PPP6R1: variants seen among roughly 807,000 people sequenced by gnomAD.
PPP6R1 encodes serine/threonine-protein phosphatase 6 regulatory subunit 1.
Under a neutral mutation model 104.6 loss-of-function variants are expected in PPP6R1, and 39 were observed. The ratio of observed to expected loss-of-function variants is 0.37; its 90% CI spans 0.29 to 0.49. PPP6R1 has a LOEUF of 0.49. Among genes scored for constraint, PPP6R1 ranks in the 20% least tolerant of loss-of-function variants. The pLI, the probability that PPP6R1 is intolerant of heterozygous loss-of-function variation, is 0.98. For missense variants in PPP6R1, 1,181 were observed against 1,155.8 expected, an observed-to-expected ratio of 1.02 and a Z score of -0.32; for synonymous variants, 549 against 479.0, an observed-to-expected ratio of 1.15 and a Z score of -1.91.
At chr19:55,254,820 C>T (rs2087580438) in intron 1 of PPP6R1, among the ~76,000 whole-genome samples, 1 of 152,218 alleles carries the variant, frequency 6.6e-6, no homozygotes, top group Non-Finnish European at 1.5e-5. Flanking sequence ...CTCTAATGTC[C>T]CCCAAGCCTC....
intron 17 of PPP6R1, among the ~76,000 whole-genome samples, chr19:55,235,396 G>A (rs1240167714): frequency 6.6e-6 from 1 of 152,070 alleles, no homozygotes; most frequent in East Asian, 1.9e-4. Context: ...ATGAAGGAAG[G>A]AGACAGGGAG....
At position 55,258,985 on chromosome 19, in the gene PPP6R1, A is replaced by G. The variant is rs577751535; in HGVS notation, c.-557T>C. On this transcript the variant is annotated 5_prime_UTR_variant, in exon 1 of 24. Transcript: ENST00000412770. ...TCTGCGGCCGGCCTCAGGGCCTCCG[A>G]CGCCCGGCTCCCTCCGCCACTATCC... 2 of 151,890 alleles carry G rather than the reference A, an allele frequency of 1.3e-5. No individual in the cohort carries two copies. The highest frequency in any genetic ancestry group is 4.8e-5 in the African/African-American group (2 of 41,354). 9.4% of individuals were successfully genotyped at this position (151,890 alleles called of 1,614,324 possible).
intron 5 of PPP6R1, among the ~76,000 whole-genome samples, chr19:55,243,986 C>T (rs182300313): frequency 2.6e-5 from 4 of 152,304 alleles, no homozygotes; most frequent in Non-Finnish European, 4.4e-5. Context: ...AGATGATAAA[C>T]GCTTTGAATA....
At chr19:55,238,310 A>G (rs1022708788) in intron 15 of PPP6R1, among the ~76,000 whole-genome samples, 1 of 152,238 alleles carries the variant, frequency 6.6e-6, no homozygotes, top group Non-Finnish European at 1.5e-5. Flanking sequence ...AACACAGGAT[A>G]TCACGTCTGC....
At chr19:55,233,440 AGGC>A (rs1411727200) in intron 17 of PPP6R1, among the ~76,000 whole-genome samples, 1 of 152,200 alleles carries the variant, frequency 6.6e-6, no homozygotes, top group Non-Finnish European at 1.5e-5. Context: ...ATTGTCCCGG[AGGC>A]TAGCCAGGGC....
intron 1 of PPP6R1, among the ~76,000 whole-genome samples, chr19:55,257,643 C>T (rs1450418824): frequency 2.0e-5 from 3 of 152,210 alleles, no homozygotes; most frequent in Non-Finnish European, 2.9e-5. Context: ...ACAGAAAAAG[C>T]CGTCCGTCCA....
At chr19:55,236,882 C>T (rs770150935) in intron 16 of PPP6R1, 31 bp downstream of exon 16, 16 of 1,612,290 alleles carry the variant, frequency 9.9e-6, no homozygotes, top group East Asian at 2.2e-5. Flanking sequence ...CCCCTCCACC[C>T]GCCACAACCA....
chr19:55,238,930 GAAA>G (rs906122437), intron 15 of PPP6R1: 1 of 163,014 alleles, frequency 6.1e-6, no homozygotes, highest in Non-Finnish European at 1.3e-5. Flanking sequence ...TTGGTAATTG[GAAA>G]AAAAAAGTTT....
intron 1 of PPP6R1, among the ~76,000 whole-genome samples, chr19:55,251,763 C>T (rs2087555299): frequency 6.6e-6 from 1 of 152,164 alleles, no homozygotes; most frequent in Non-Finnish European, 1.5e-5. Flanking sequence ...AAAACTCAGG[C>T]TCAGCAAAGG....
intron 1 of PPP6R1, 161 bp from the exon 2 acceptor site, chr19:55,247,270 C>T (rs777988433): frequency 7.5e-5 from 51 of 682,962 alleles, no homozygotes; most frequent in Non-Finnish European, 9.9e-5. Context: ...CGGGACTGCC[C>T]GCAGGCTCAC....
Position 55,231,869 on chromosome 19 carries a change from T to G in PPP6R1, c.2239A>C (p.Ser747Arg), listed in dbSNP as rs749364489. The G allele has an allele frequency of 1.3e-6, 2 of 1,501,380 alleles. No individual in the cohort carries two copies. Among genetic ancestry groups the G allele is most frequent in the East Asian group, 2.4e-5 (1 of 42,434 alleles). The allele number at this position is 1,501,380 out of a possible 1,614,324, so 93.0% of individuals were successfully genotyped here. A position where few individuals can be genotyped will look rare whatever the true frequency, so the allele number is the denominator to read the frequency against. The change falls in exon 19 of 24, where the codon AGT becomes CGT. Residue 747 changes from serine to arginine, a missense_variant. Coordinates refer to ENST00000412770, the MANE Select transcript of PPP6R1 (RefSeq NM_014931.4). The stretch of plus-strand genomic sequence containing the variant: ...TGAGTGGGGAGGCCCTGGGGCACAC[T>G]GAGGGGCCCCTGTGGGGCTGGAGGC... The part of the protein sequence containing the change: ...TGPPAPQGPL[S>R]VPQGLPTQSL...
chr19:55,231,888 T>G lies in PPP6R1; in HGVS notation c.2220A>C (p.Pro740=). ...GCACACTGAGGGGCCCCTGTGGGGC[T>G]GGAGGCCCAGTGTGCAGCTCTTCCT... The part of the protein sequence containing the change: ...SGEEELHTGP[P]APQGPLSVPQ... Residue 740 remains proline, a synonymous_variant, in exon 19 of 24, where the codon CCA becomes CCC. Transcript: ENST00000412770. 1 of 1,512,680 alleles carries G rather than the reference T, an allele frequency of 6.6e-7. No individual in the cohort carries two copies. The highest frequency in any genetic ancestry group is 8.9e-7 in the Non-Finnish European group (1 of 1,129,476). The allele number at this position is 1,512,680 out of a possible 1,614,324, so 93.7% of individuals were successfully genotyped here. A position where few individuals can be genotyped will look rare whatever the true frequency, so the allele number is the denominator to read the frequency against.
chr19:55,231,592 G>T lies in PPP6R1; in HGVS notation c.2377+6C>A, dbSNP rs568700125. On this transcript the variant is annotated splice_donor_region_variant and intron_variant, in intron 20 of 23. Coordinates refer to ENST00000412770, the MANE Select transcript of PPP6R1 (RefSeq NM_014931.4). ...CCGCGGGTGGGCAGGGCAAAGCGGG[G>T]CTCACCTGAGGGCTCCGTGACTTTG... 1.9e-6 allele frequency: 3 copies of T among 1,609,724 alleles called. No individual in the cohort carries two copies. The African/African-American group carries it at 4.0e-5, about 22-fold the overall frequency.
At chr19:55,232,382 G>A in intron 17 of PPP6R1, 171 bp from the exon 18 acceptor site, 1 of 1,016,978 alleles carries the variant, frequency 9.8e-7, no homozygotes, top group Non-Finnish European at 1.4e-6. Flanking sequence ...GCTGGGAGAG[G>A]GAGTTCTGAG....
intron 15 of PPP6R1, chr19:55,239,061 GTCCCCAC>G: frequency 3.3e-6 from 1 of 303,700 alleles, no homozygotes; most frequent in Non-Finnish European, 6.4e-6. Context: ...AGGACTGCTG[GTCCCCAC>G]TACCCTGAGC....
chr19:55,239,565 A>AGCACAGCCCCACATAGCCCC, intron 14 of PPP6R1, 29 bp downstream of exon 14: 1 of 1,610,150 alleles, frequency 6.2e-7, no homozygotes, highest in Non-Finnish European at 8.5e-7. Flanking sequence ...AGCATAGCCC[A>AGCACAGCCCCACATAGCCCC]GCACAGCCCC....
rs773488195 is a variant in PPP6R1, at chr19:55,231,497, G to A, written c.2378-6C>T. 3.1e-6 allele frequency: 5 copies of A among 1,604,344 alleles called. No individual in the cohort carries two copies. Among genetic ancestry groups the A allele is most frequent in the African/African-American group, 1.3e-5 (1 of 74,844 alleles). ...AACCAAGGCCTGGCAAGGGGCTGTGGGGGATAAGAGATCTCAGCTGCAGCT... is the reference window on the plus strand; with the variant it reads ...AACCAAGGCCTGGCAAGGGGCTGTGAGGGATAAGAGATCTCAGCTGCAGCT... On this transcript the variant is annotated splice_polypyrimidine_tract_variant and splice_region_variant and intron_variant, in intron 20 of 23. Coordinates refer to ENST00000412770, the MANE Select transcript of PPP6R1 (RefSeq NM_014931.4).
rs777572992 is a variant in PPP6R1, at chr19:55,246,890, G to A, written c.214C>T (p.Arg72Trp). Residue 72 changes from arginine to tryptophan, a missense_variant, in exon 2 of 24, where the codon CGG becomes TGG. Transcript: ENST00000412770. ...TQEPPDSGEE[R>W]LRYKYPSVAC... ...TGGGGAACTCACTTGTAGCGCAGCC[G>A]CTCCTCACCGCTATCTGGCGGCTCC... 2.2e-5 allele frequency: 35 copies of A among 1,605,264 alleles called. No homozygotes were observed. The highest frequency in any genetic ancestry group is 6.7e-5 in the South Asian group (6 of 90,130).
intron 6 of PPP6R1, 46 bp downstream of exon 6, chr19:55,242,330 T>C: frequency 6.2e-7 from 1 of 1,612,492 alleles, no homozygotes; most frequent in Non-Finnish European, 8.5e-7. Context: ...GCCCAGGGCT[T>C]CCCCAAGTCA....
Sources: gnomAD v4.1 joint callset for allele counts (sites outside exome capture counted in the v4.1 genomes callset) on GRCh38, gnomAD v4.1.1 for gene constraint, MANE v1.5 for transcripts, NCBI Gene and HGNC (gene_info 2026-07-23, HGNC 2026-07-21) for gene names.